TAMM41: variants seen among roughly 807,000 people sequenced by gnomAD.
TAMM41 encodes phosphatidate cytidylyltransferase, mitochondrial.
A neutral mutation model predicts 44.1 loss-of-function variants in TAMM41; 36 were observed. The ratio of observed to expected loss-of-function variants is 0.82; its 90% CI spans 0.63 to 1.08. The LOEUF (loss-of-function observed/expected upper bound fraction) is 1.08, where lower values mean the gene tolerates loss of function less well. Among genes scored for constraint, TAMM41 ranks in the 50% least tolerant of loss-of-function variants. TAMM41 has a pLI of 0.00. For synonymous variants in TAMM41, 164 were observed against 153.1 expected (o/e 1.07, Z -0.53); for missense variants, 417 against 404.3 (o/e 1.03, Z -0.27).
At chr3:11,755,621 G>A in the TAMM41 span, among the ~76,000 whole-genome samples, 1 of 152,090 alleles carries the variant, frequency 6.6e-6, no homozygotes. Context: ...TAAAAAGAAG[G>A]GCATTTCACG....
At position 11,829,882 on chromosome 3, in the gene TAMM41, T is replaced by C. The variant is rs778200227; in HGVS notation, c.412-18A>G. ...ATTTTCACCTGAAAGAAGCAGAACA[T>C]TGGGAAGAAAAATTCCAGAAGTGGA... On this transcript the variant is annotated intron_variant, in intron 3 of 7. Coordinates refer to ENST00000455809, the MANE Select transcript of TAMM41 (RefSeq NM_001284401.2). The C allele has an allele frequency of 5.0e-6, 8 of 1,612,544 alleles. No homozygotes were observed. In the East Asian group the frequency reaches 8.9e-5, roughly 18 times the overall value.
chr3:11,749,990 C>CG, the TAMM41 span, among the ~76,000 whole-genome samples: 1 of 151,840 alleles, frequency 6.6e-6, no homozygotes, highest in African/African-American at 2.4e-5. Context: ...CTCCACCTCC[C>CG]GGTTCATGTT....
chr3:11,736,795 AGT>A, the TAMM41 span, among the ~76,000 whole-genome samples: 18 of 152,118 alleles, frequency 1.2e-4, no homozygotes, highest in Admixed American at 6.5e-4. Context: ...TTGGCTCCCA[AGT>A]GTCTGGCCAC....
At chr3:11,754,365 A>T in the TAMM41 span, among the ~76,000 whole-genome samples, 5 of 152,008 alleles carry the variant, frequency 3.3e-5, no homozygotes, top group East Asian at 1.9e-4. Flanking sequence ...AATTCTTTTT[A>T]AAAATTTTTT....
Position 11,846,717 on chromosome 3 carries a change from AG to A in TAMM41, c.-82del. 6.3e-7 allele frequency: 1 copy of A among 1,581,876 alleles called. No individual in the cohort carries two copies. The highest frequency in any genetic ancestry group is 2.2e-5 in the East Asian group (1 of 44,578). On this transcript the variant is annotated 5_prime_UTR_variant, in exon 1 of 8. Coordinates refer to ENST00000455809, the MANE Select transcript of TAMM41 (RefSeq NM_001284401.2). The stretch of plus-strand genomic sequence containing the variant: ...GGAACAGACACCGGGTAGGCGGTTT[AG>A]GGTGGGAAATGGAAGTCGGAGACTG...
intron 4 of TAMM41, among the ~76,000 whole-genome samples, chr3:11,824,652 C>CAGGAACCA (rs1297391062): frequency 6.6e-6 from 1 of 152,062 alleles, no homozygotes; most frequent in African/African-American, 2.4e-5. Context: ...GACTCAGGTT[C>CAGGAACCA]ACTATATTGG....
the TAMM41 span, among the ~76,000 whole-genome samples, chr3:11,770,888 T>TGCC: frequency 6.6e-6 from 1 of 152,226 alleles, no homozygotes; most frequent in Admixed American, 6.5e-5. Flanking sequence ...GTCCCAGGTG[T>TGCC]CTCTCCCCAG....
chr3:11,757,007 T>C, the TAMM41 span, among the ~76,000 whole-genome samples: 2 of 152,190 alleles, frequency 1.3e-5, no homozygotes, highest in Admixed American at 6.5e-5. Flanking sequence ...TGATTACATA[T>C]GGACTGGGAA....
At chr3:11,789,642 G>T (rs920129039), downstream of TAMM41, among the ~76,000 whole-genome samples, 1 of 152,174 alleles carries the variant, frequency 6.6e-6, no homozygotes, top group African/African-American at 2.4e-5. Context: ...TACTGGCTCT[G>T]GGATGGGCAT....
At chr3:11,749,070 A>G in the TAMM41 span, among the ~76,000 whole-genome samples, 130,291 of 151,768 alleles carry the variant, frequency 0.86, 56,471 homozygotes, top group African/African-American at 0.97. Flanking sequence ...GCACCACCAC[A>G]CCTGGCTAAT....
At chr3:11,749,233 C>T in the TAMM41 span, among the ~76,000 whole-genome samples, 1 of 152,124 alleles carries the variant, frequency 6.6e-6, no homozygotes, top group Admixed American at 6.6e-5. Context: ...TTTTATTGCA[C>T]TCGTGTTTAC....
At chr3:11,765,141 C>T in the TAMM41 span, among the ~76,000 whole-genome samples, 1 of 152,102 alleles carries the variant, frequency 6.6e-6, no homozygotes, top group Admixed American at 6.6e-5. Flanking sequence ...CCTGTTTTTC[C>T]TCCAAAAGAA....
At chr3:11,829,189 A>G (rs1192597589) in intron 4 of TAMM41, among the ~76,000 whole-genome samples, 3 of 152,156 alleles carry the variant, frequency 2.0e-5, no homozygotes. Flanking sequence ...TCAAAGTGGG[A>G]TCCCTGGAGG....
the TAMM41 span, among the ~76,000 whole-genome samples, chr3:11,737,186 T>G: frequency 6.6e-6 from 1 of 152,056 alleles, no homozygotes; most frequent in Non-Finnish European, 1.5e-5. Context: ...CCACTCCTGT[T>G]GTCTATAACC....
At chr3:11,769,541 C>T in the TAMM41 span, among the ~76,000 whole-genome samples, 1 of 152,136 alleles carries the variant, frequency 6.6e-6, no homozygotes, top group Admixed American at 6.6e-5. Flanking sequence ...AGTGTGAAAG[C>T]AGCCATAAGA....
At chr3:11,787,922 T>C (rs996243004), downstream of TAMM41, among the ~76,000 whole-genome samples, 12 of 152,216 alleles carry the variant, frequency 7.9e-5, no homozygotes, top group African/African-American at 2.7e-4. Flanking sequence ...CTCCTCCTTA[T>C]ATGGCTTTTT....
chr3:11,759,157 A>G, the TAMM41 span, among the ~76,000 whole-genome samples: 1 of 152,044 alleles, frequency 6.6e-6, no homozygotes, highest in Non-Finnish European at 1.5e-5. Flanking sequence ...TAAAAAATCA[A>G]TTATTTTTCA....
the TAMM41 span, among the ~76,000 whole-genome samples, chr3:11,779,416 C>G: frequency 6.6e-6 from 1 of 152,174 alleles, no homozygotes; most frequent in African/African-American, 2.4e-5. Flanking sequence ...AATGGTAAAG[C>G]TTTTCATGAG....
At chr3:11,750,029 T>C in the TAMM41 span, among the ~76,000 whole-genome samples, 1 of 151,746 alleles carries the variant, frequency 6.6e-6, no homozygotes, top group Admixed American at 6.6e-5. Context: ...CCCGAGTAGC[T>C]GGGACTACAG....
Sources: gnomAD v4.1 joint callset for allele counts (sites outside exome capture counted in the v4.1 genomes callset) on GRCh38, gnomAD v4.1.1 for gene constraint, MANE v1.5 for transcripts, NCBI Gene and HGNC (gene_info 2026-07-23, HGNC 2026-07-21) for gene names.